Variants in FAM184B observed in about 807,000 individuals in gnomAD.
FAM184B encodes the protein family with sequence similarity 184 member B, also known as protein FAM184B.
In FAM184B, 111 loss-of-function variants were observed where a neutral mutation model predicts 135.9. That is an observed-to-expected ratio of 0.82 (90% confidence interval 0.70 to 0.96). FAM184B has a LOEUF of 0.96. Ranked by LOEUF, FAM184B falls within the 40% of genes least tolerant of loss-of-function variation. The pLI is 0.00. For synonymous variants in FAM184B, 552 were observed against 524.8 expected (o/e 1.05, Z -0.71); for missense variants, 1,375 against 1,323.9 (o/e 1.04, Z -0.60).
intron 1 of FAM184B, among the ~76,000 whole-genome samples, chr4:17,728,727 TG>T (rs1325476886): frequency 6.6e-6 from 1 of 152,086 alleles, no homozygotes; most frequent in Non-Finnish European, 1.5e-5. Flanking sequence ...CTCCGGGTGA[TG>T]GGATTACAGT....
At chr4:17,642,819 G>C (rs553268780) in intron 12 of FAM184B, among the ~76,000 whole-genome samples, 1 of 152,338 alleles carries the variant, frequency 6.6e-6, no homozygotes, top group South Asian at 2.1e-4. Flanking sequence ...AATTGTGCTA[G>C]AATGTCTGTA....
intron 8 of FAM184B, among the ~76,000 whole-genome samples, chr4:17,661,415 G>A (rs1012319352): frequency 1.3e-5 from 2 of 152,028 alleles, no homozygotes; most frequent in African/African-American, 2.4e-5. Flanking sequence ...AGCTTAGTGT[G>A]GTGGCAGCCA....
intron 1 of FAM184B, among the ~76,000 whole-genome samples, chr4:17,736,666 A>G (rs893596339): frequency 1.3e-5 from 2 of 152,170 alleles, no homozygotes; most frequent in South Asian, 4.1e-4. Context: ...TACAGGAGAT[A>G]CAGGGTAAGT....
chr4:17,693,434 T>C, intron 5 of FAM184B, 22 bp from the exon 6 acceptor site: 1 of 1,539,014 alleles, frequency 6.5e-7, no homozygotes. Context: ...TTGGAAGAGT[T>C]AACCATACAA....
chr4:17,773,003 A>C (rs186929121), intron 1 of FAM184B, among the ~76,000 whole-genome samples: 192 of 152,360 alleles, frequency 1.3e-3, no homozygotes, highest in African/African-American at 4.5e-3. Context: ...AAAATAGTAA[A>C]AGTAATTGAG....
chr4:17,714,077 A>G (rs11730861), intron 1 of FAM184B, among the ~76,000 whole-genome samples: 108,156 of 151,962 alleles, frequency 0.71, 39,538 homozygotes, highest in Non-Finnish European at 0.8. Flanking sequence ...GACAAGAACC[A>G]TATCACTTCT....
In FAM184B at chr4:17,705,779, AG is replaced by A. The variant is rs1353911602; in HGVS notation, c.1142del (p.Pro381LeufsTer3). On this transcript the variant is annotated frameshift_variant, in exon 4 of 18. Transcript: ENST00000265018. LOFTEE classifies it high-confidence loss of function. Reference protein sequence around the residue: ...QQDQSCLKECPCMKGGTDMQT... With the variant: ...QQDQSCLKECXCMKGGTDMQT... ...GCATATCTGTGCCTCCTTTCATGCA[AG>A]GGCACTCCTTGAGACAGCTTTGATC... is the stretch of plus-strand genomic sequence containing the variant. The A allele has an allele frequency of 6.4e-7, 1 of 1,551,852 alleles. No individual in the cohort carries two copies. The highest frequency in any genetic ancestry group is 1.4e-5 in the African/African-American group (1 of 73,186).
intron 1 of FAM184B, among the ~76,000 whole-genome samples, chr4:17,764,436 T>A (rs1048952531): frequency 6.6e-6 from 1 of 152,182 alleles, no homozygotes; most frequent in African/African-American, 2.4e-5. Flanking sequence ...ATGTTTTGCA[T>A]CTCTTGGTAT....
intron 10 of FAM184B, 69 bp downstream of exon 10, chr4:17,658,281 G>T: frequency 1.5e-6 from 2 of 1,366,112 alleles, no homozygotes; most frequent in Non-Finnish European, 2.0e-6. Context: ...AAAAGGGACG[G>T]CTTTGTGCAT....
At chr4:17,635,530 C>A (rs916103776) in intron 15 of FAM184B, among the ~76,000 whole-genome samples, 2 of 151,962 alleles carry the variant, frequency 1.3e-5, no homozygotes, top group Admixed American at 6.6e-5. Flanking sequence ...CCCACTTTAC[C>A]TATAATAACT....
chr4:17,763,408 A>G (rs1321113809), intron 1 of FAM184B, among the ~76,000 whole-genome samples: 3 of 151,342 alleles, frequency 2.0e-5, no homozygotes, highest in African/African-American at 7.3e-5. Flanking sequence ...ACACACAAAC[A>G]CACACACACA....
Position 17,633,803 on chromosome 4 carries a change from A to C in FAM184B, c.2975T>G (p.Leu992Arg), listed in dbSNP as rs139341568. 9 of 1,551,662 alleles carry C rather than the reference A, an allele frequency of 5.8e-6. No individual in the cohort carries two copies. The highest frequency in any genetic ancestry group is 7.8e-6 in the Non-Finnish European group (9 of 1,146,980). Residue 992 changes from leucine (L) to arginine (R), a missense_variant, in exon 17 of 18, where the codon CTG (leucine) becomes CGG (arginine). Physicochemically the swap from Leu to Arg is moderately radical, Grantham distance 102. Coordinates refer to ENST00000265018, the MANE Select transcript of FAM184B (RefSeq NM_015688.2). ...SYAKNFLSGD[L>R]SSRINAPPIT... ...TGGAGGGGCATTAATCCTGGAACTC[A>C]GATCGCCACTCAGAAAGTTCTTTGC...
intron 1 of FAM184B, among the ~76,000 whole-genome samples, chr4:17,775,170 T>TATTGTA (rs1408223511): frequency 6.6e-6 from 1 of 151,164 alleles, no homozygotes; most frequent in East Asian, 1.9e-4. Flanking sequence ...CTAATTTTTG[T>TATTGTA]ATTTTAATTT....
At chr4:17,743,721 A>G (rs1194683621) in intron 1 of FAM184B, among the ~76,000 whole-genome samples, 1 of 152,258 alleles carries the variant, frequency 6.6e-6, no homozygotes, top group Non-Finnish European at 1.5e-5. Flanking sequence ...GAGTCTGCGT[A>G]GGGCAGTAGA....
rs141443486 is a variant in FAM184B at position 17,720,800 on chromosome 4, C to T, written c.142-11156G>A. Among the ~76,000 whole-genome samples the T allele has an allele frequency of 4.7e-4, 68 of 145,250 alleles. No individual in the cohort carries two copies. In the East Asian group the frequency reaches 0.011, roughly 23 times the overall value. On this transcript the variant is annotated intron_variant, in intron 1 of 17. Coordinates refer to ENST00000265018, the MANE Select transcript of FAM184B (RefSeq NM_015688.2). ...GCTCGAGAGGCTGAGGCGGAAGAAT[C>T]GCTTGAACCAGGGAGTTGGAGGTTG... is the stretch of plus-strand genomic sequence containing the variant.
At chr4:17,719,037 A>G (rs1717462227) in intron 1 of FAM184B, among the ~76,000 whole-genome samples, 2 of 152,196 alleles carry the variant, frequency 1.3e-5, no homozygotes, top group South Asian at 2.1e-4. Context: ...ACCCCTATAG[A>G]CACTATGTTT....
intron 1 of FAM184B, among the ~76,000 whole-genome samples, chr4:17,759,304 G>A (rs1207611561): frequency 1.3e-5 from 2 of 152,096 alleles, no homozygotes; most frequent in East Asian, 3.9e-4. Context: ...AAAGTGTGTA[G>A]CCCCTCCCAC....
At chr4:17,695,162 G>T (rs200140935) in intron 5 of FAM184B, among the ~76,000 whole-genome samples, 3 of 87,294 alleles carry the variant, frequency 3.4e-5, no homozygotes, top group African/African-American at 8.4e-5. Context: ...TTTCTTTGTT[G>T]TTTTTTTTTT....
chr4:17,670,628 C>A (rs1446457733), intron 7 of FAM184B, among the ~76,000 whole-genome samples: 1 of 152,202 alleles, frequency 6.6e-6, no homozygotes, highest in African/African-American at 2.4e-5. Flanking sequence ...ACAACACTGG[C>A]TCCCAGCTAC....
Sources: gnomAD v4.1 joint callset for allele counts (sites outside exome capture counted in the v4.1 genomes callset) on GRCh38, gnomAD v4.1.1 for gene constraint, MANE v1.5 for transcripts, NCBI Gene and HGNC (gene_info 2026-07-23, HGNC 2026-07-21) for gene names.